Variants in BICD1 observed in about 807,000 individuals in gnomAD.
The protein encoded by BICD1 is BICD cargo adaptor 1.
In BICD1, 35 loss-of-function variants were observed where a neutral mutation model predicts 92.5. The observed-to-expected ratio is 0.38, with a 90% CI of 0.29 to 0.50. BICD1 has a LOEUF of 0.50. Among genes scored for constraint, BICD1 ranks in the 20% least tolerant of loss-of-function variants. BICD1 has a pLI of 0.93. For synonymous variants in BICD1, 429 were observed against 465.1 expected, an observed-to-expected ratio of 0.92 and a Z score of 1.00; for missense variants, 950 against 1,189.8, an observed-to-expected ratio of 0.80 and a Z score of 2.97.
intron 8 of BICD1, among the ~76,000 whole-genome samples, chr12:32,348,723 AATATATATATATAT>A (rs11272207): frequency 0.02 from 2,294 of 116,908 alleles, 58 homozygotes; most frequent in Admixed American, 0.039. Flanking sequence ...CTCACACAAA[AATATATATATATAT>A]ATATATATAT....
At chr12:32,192,543 A>G (rs1944606753) in intron 1 of BICD1, among the ~76,000 whole-genome samples, 1 of 150,610 alleles carries the variant, frequency 6.6e-6, no homozygotes, top group Non-Finnish European at 1.5e-5. Flanking sequence ...TAGAAGATCA[A>G]ACCAACCACA....
intron 1 of BICD1, among the ~76,000 whole-genome samples, chr12:32,148,142 CAA>C (rs10525262): frequency 1.7e-5 from 1 of 60,584 alleles, no homozygotes; most frequent in East Asian, 5.8e-4. Context: ...ACTCCGTCTC[CAA>C]AAAAAAAAGA....
chr12:32,263,060 G>C (rs1404490620), intron 2 of BICD1, among the ~76,000 whole-genome samples: 1 of 151,822 alleles, frequency 6.6e-6, no homozygotes, highest in Non-Finnish European at 1.5e-5. Flanking sequence ...ACCTGAGCCC[G>C]GGCAGCCAAG....
intron 2 of BICD1, chr12:32,227,328 T>C (rs111879712): frequency 0.072 from 10,992 of 152,362 alleles, 447 homozygotes; most frequent in Middle Eastern, 0.12. Context: ...CCCTAGCCTC[T>C]GATGCTGCCC....
At chr12:32,363,917 G>T (rs906792847) in intron 8 of BICD1, among the ~76,000 whole-genome samples, 2 of 152,072 alleles carry the variant, frequency 1.3e-5, no homozygotes, top group Admixed American at 1.3e-4. Flanking sequence ...ATAAAACAGG[G>T]TTATAGAAGA....
At chr12:32,285,498 ACT>A (rs1362977437) in intron 2 of BICD1, among the ~76,000 whole-genome samples, 2 of 152,032 alleles carry the variant, frequency 1.3e-5, no homozygotes, top group Admixed American at 1.3e-4. Flanking sequence ...TAATATATTG[ACT>A]CTGTGTGGTG....
intron 8 of BICD1, among the ~76,000 whole-genome samples, chr12:32,346,609 TATA>T (rs1938620585): frequency 2.4e-4 from 1 of 4,130 alleles, no homozygotes; most frequent in Non-Finnish European, 4.0e-4. Flanking sequence ...TATATATATA[TATA>T]CGTGTATATA....
chr12:32,254,988 A>T (rs138025374), intron 2 of BICD1, among the ~76,000 whole-genome samples: 145 of 152,236 alleles, frequency 9.5e-4, no homozygotes, highest in African/African-American at 3.3e-3. Flanking sequence ...TTGGGCTGCC[A>T]TAACAAAATA....
intron 2 of BICD1, among the ~76,000 whole-genome samples, chr12:32,234,354 T>C (rs1945994603): frequency 6.6e-6 from 1 of 152,138 alleles, no homozygotes; most frequent in South Asian, 2.1e-4. Flanking sequence ...TCCCAGCACT[T>C]TGGGAGGCCG....
intron 2 of BICD1, among the ~76,000 whole-genome samples, chr12:32,290,988 C>T (rs1033133082): frequency 7.9e-5 from 12 of 152,192 alleles, no homozygotes; most frequent in East Asian, 1.9e-4. Context: ...TCTGAGCTAA[C>T]GCCACTACTT....
chr12:32,289,232 C>T lies in BICD1; in HGVS notation c.427-4762C>T, dbSNP rs1336872833. 3.3e-5 allele frequency among the ~76,000 whole-genome samples: 5 copies of T among 152,330 alleles called. No homozygotes were observed. In the East Asian group the frequency reaches 5.8e-4, roughly 18 times the overall value. On this transcript the variant is annotated intron_variant, in intron 2 of 9. Coordinates refer to ENST00000652176, the MANE Select transcript of BICD1 (RefSeq NM_001714.4). Reference sequence around the variant, plus strand: ...AAGGGACCTCCACTTCCCCACTGCACCATACCCACAGAGTGTGAAAGTAGG... The same window carrying T: ...AAGGGACCTCCACTTCCCCACTGCATCATACCCACAGAGTGTGAAAGTAGG...
chr12:32,176,369 C>T (rs1221215172), intron 1 of BICD1, among the ~76,000 whole-genome samples: 2 of 152,124 alleles, frequency 1.3e-5, no homozygotes, highest in Non-Finnish European at 2.9e-5. Context: ...CTTTTCTTAA[C>T]ATTTTTCTCA....
chr12:32,180,558 A>G (rs751895779), intron 1 of BICD1, among the ~76,000 whole-genome samples: 13 of 151,846 alleles, frequency 8.6e-5, no homozygotes, highest in Non-Finnish European at 1.5e-4. Flanking sequence ...AAGTTACCCT[A>G]GTCTTAACTG....
At chr12:32,198,566 G>A (rs1428363541) in intron 1 of BICD1, among the ~76,000 whole-genome samples, 1 of 134,756 alleles carries the variant, frequency 7.4e-6, no homozygotes. Flanking sequence ...TATTTAATCT[G>A]GTGGTTGAGA....
intron 2 of BICD1, among the ~76,000 whole-genome samples, chr12:32,293,462 C>T (rs964549077): frequency 1.3e-5 from 2 of 148,274 alleles, no homozygotes; most frequent in East Asian, 2.0e-4. Context: ...GGATTACAGG[C>T]GCCCACCACC....
At chr12:32,338,113 C>A in intron 7 of BICD1, 1 of 291,930 alleles carries the variant, frequency 3.4e-6, no homozygotes, top group Non-Finnish European at 6.5e-6. Context: ...ATGCCTCTCC[C>A]TTACCTCCAA....
At chr12:32,361,610 C>A (rs897408495) in intron 8 of BICD1, among the ~76,000 whole-genome samples, 2 of 151,286 alleles carry the variant, frequency 1.3e-5, no homozygotes, top group Admixed American at 6.6e-5. Context: ...GGATACTTGG[C>A]CTGAGGAGAA....
At chr12:32,290,392 T>G (rs1452950872) in intron 2 of BICD1, among the ~76,000 whole-genome samples, 2 of 152,188 alleles carry the variant, frequency 1.3e-5, no homozygotes, top group African/African-American at 2.4e-5. Flanking sequence ...CCTGCCCAAG[T>G]TAGGATCTAT....
At chr12:32,113,797 C>A (rs911010677) in intron 1 of BICD1, among the ~76,000 whole-genome samples, 2 of 151,738 alleles carry the variant, frequency 1.3e-5, no homozygotes, top group Admixed American at 6.6e-5. Flanking sequence ...GCAACCTCCA[C>A]CTCCCAGGTT....
Sources: allele counts gnomAD v4.1 joint callset (sites outside exome capture counted in the v4.1 genomes callset), GRCh38; gene constraint gnomAD v4.1.1; transcripts MANE v1.5; gene names NCBI Gene and HGNC (gene_info 2026-07-23, HGNC 2026-07-21).